The following C10orf90 variants were observed in gnomAD, a reference collection of about 807,000 sequenced individuals.
C10orf90 encodes the protein (E2-independent) E3 ubiquitin-conjugating enzyme FATS.
In C10orf90, 56 loss-of-function variants were observed where a neutral mutation model predicts 62.5. That is an observed-to-expected ratio of 0.90 (90% CI 0.72 to 1.12). The LOEUF is 1.12. Ranked by LOEUF, C10orf90 falls within the 50% of genes most tolerant of loss-of-function variation. The pLI, the probability that C10orf90 is intolerant of heterozygous loss-of-function variation, is 0.00. For synonymous variants in C10orf90, 386 were observed against 340.4 expected (o/e 1.13, Z -1.47); for missense variants, 970 against 880.4 (o/e 1.10, Z -1.29).
chr10:126,465,016 ATC>A (rs757896472), intron 4 of C10orf90, 30 bp from the exon 5 acceptor site: 24 of 1,586,006 alleles, frequency 1.5e-5, no homozygotes, highest in Non-Finnish European at 1.1e-5. Context: ...TGTGCTCAAA[ATC>A]TCTTATGAAT....
intron 7 of C10orf90, among the ~76,000 whole-genome samples, chr10:126,434,656 C>T (rs1193016305): frequency 2.0e-5 from 3 of 152,134 alleles, no homozygotes; most frequent in Non-Finnish European, 4.4e-5. Context: ...CCTGAATCTC[C>T]TACTAAAGAT....
intron 7 of C10orf90, among the ~76,000 whole-genome samples, chr10:126,443,762 C>T (rs990667476): frequency 1.3e-5 from 2 of 152,012 alleles, no homozygotes; most frequent in African/African-American, 2.4e-5. Flanking sequence ...AATACAGATG[C>T]TAAAATTATT....
intron 2 of C10orf90, among the ~76,000 whole-genome samples, chr10:126,550,382 C>G (rs138719764): frequency 6.6e-6 from 1 of 152,228 alleles, no homozygotes; most frequent in Non-Finnish European, 1.5e-5. Context: ...CAGGAGGGAA[C>G]CTTGTAATCA....
chr10:126,537,499 CG>C (rs1273969084), intron 2 of C10orf90, among the ~76,000 whole-genome samples: 7 of 152,138 alleles, frequency 4.6e-5, no homozygotes, highest in Non-Finnish European at 1.0e-4. Context: ...AAGAGCTGCC[CG>C]GGGAGTCCTC....
At chr10:126,644,234 G>A (rs986563365) in intron 2 of C10orf90, among the ~76,000 whole-genome samples, 8 of 152,152 alleles carry the variant, frequency 5.3e-5, no homozygotes, top group East Asian at 1.9e-4. Flanking sequence ...CCTTTCGGCC[G>A]TAAACCTCCA....
chr10:126,475,154 T>C (rs1860791628), intron 4 of C10orf90, among the ~76,000 whole-genome samples: 1 of 152,192 alleles, frequency 6.6e-6, no homozygotes, highest in African/African-American at 2.4e-5. Context: ...GGAGAGTCTT[T>C]GAGCTAATGA....
intron 2 of C10orf90, among the ~76,000 whole-genome samples, chr10:126,560,845 C>T (rs751479667): frequency 2.0e-5 from 3 of 152,136 alleles, no homozygotes; most frequent in Non-Finnish European, 4.4e-5. Flanking sequence ...GACATTGAAA[C>T]GTGGATTTTG....
At chr10:126,434,306 C>T (rs572359906) in intron 7 of C10orf90, among the ~76,000 whole-genome samples, 1 of 152,302 alleles carries the variant, frequency 6.6e-6, no homozygotes, top group African/African-American at 2.4e-5. Flanking sequence ...TTGACAGTGT[C>T]ACCAGAAGGC....
Position 126,425,877 on chromosome 10 carries a change from C to G in C10orf90, c.2378G>C (p.Arg793Thr). The G allele has an allele frequency of 6.2e-7, 1 of 1,614,042 alleles. No homozygotes were observed. Among genetic ancestry groups the G allele is most frequent in the South Asian group, 1.1e-5 (1 of 91,054 alleles). ...KKQLLDQLLQRNAV is the reference protein window; with the variant it reads ...KKQLLDQLLQTNAV ...GGCAGCCTGTGGTTAGACCGCATTC[C>G]TTTGAAGGAGCTGGTCCAGTAATTG... The change falls in exon 10 of 10, where the codon AGG (arginine) becomes ACG (threonine). Residue 793 changes from arginine to threonine, a missense_variant. Physicochemically the swap from Arg to Thr is moderately conservative, Grantham distance 71. Coordinates refer to ENST00000488181, the MANE Select transcript of C10orf90 (RefSeq NM_001350921.2).
At chr10:126,600,353 T>C (rs531791448) in intron 2 of C10orf90, among the ~76,000 whole-genome samples, 1 of 152,292 alleles carries the variant, frequency 6.6e-6, no homozygotes, top group Non-Finnish European at 1.5e-5. Flanking sequence ...ATTATTATCT[T>C]CTCTTGTGGC....
chr10:126,447,170 C>T (rs145847292), intron 7 of C10orf90, among the ~76,000 whole-genome samples: 63 of 151,742 alleles, frequency 4.2e-4, no homozygotes, highest in Middle Eastern at 3.4e-3. Flanking sequence ...AATATCTTAC[C>T]TATTAATAAT....
At chr10:126,583,334 T>C (rs1276766849) in intron 2 of C10orf90, among the ~76,000 whole-genome samples, 5 of 152,222 alleles carry the variant, frequency 3.3e-5, no homozygotes, top group Non-Finnish European at 5.9e-5. Flanking sequence ...AAAAAAATGG[T>C]TACAAATTCT....
chr10:126,516,261 G>A (rs1046869114), intron 2 of C10orf90, among the ~76,000 whole-genome samples: 1 of 152,214 alleles, frequency 6.6e-6, no homozygotes, highest in Admixed American at 6.5e-5. Flanking sequence ...CGTATGGAAA[G>A]CATTCGGGCA....
At chr10:126,429,054 T>C (rs1857421163) in intron 8 of C10orf90, among the ~76,000 whole-genome samples, 1 of 152,180 alleles carries the variant, frequency 6.6e-6, no homozygotes, top group African/African-American at 2.4e-5. Flanking sequence ...ATCAATTTGA[T>C]TTAATTATGA....
chr10:126,551,084 C>T (rs903906224), intron 2 of C10orf90, among the ~76,000 whole-genome samples: 1 of 152,194 alleles, frequency 6.6e-6, no homozygotes, highest in Non-Finnish European at 1.5e-5. Flanking sequence ...AAGGCAGAGC[C>T]AGCCTTAGAG....
intron 2 of C10orf90, among the ~76,000 whole-genome samples, chr10:126,626,994 T>A (rs1845757094): frequency 8.6e-6 from 1 of 116,628 alleles, no homozygotes; most frequent in Non-Finnish European, 1.8e-5. Flanking sequence ...TTTTTCTTTT[T>A]CTTTTCTTTT....
At chr10:126,640,612 G>T (rs1846040496) in intron 2 of C10orf90, among the ~76,000 whole-genome samples, 1 of 152,218 alleles carries the variant, frequency 6.6e-6, no homozygotes, top group African/African-American at 2.4e-5. Context: ...TCAACAAAAT[G>T]CCCTGGAGAG....
intron 2 of C10orf90, among the ~76,000 whole-genome samples, chr10:126,590,825 G>T (rs1222022605): frequency 6.6e-6 from 1 of 151,514 alleles, no homozygotes; most frequent in African/African-American, 2.4e-5. Flanking sequence ...AAAGAGAGAA[G>T]AATCAAATAG....
intron 2 of C10orf90, among the ~76,000 whole-genome samples, chr10:126,571,121 A>G (rs1377944154): frequency 1.3e-5 from 2 of 152,238 alleles, no homozygotes; most frequent in East Asian, 3.8e-4. Context: ...AGAAGCTGCA[A>G]TTGGAAACGT....
Sources: gnomAD v4.1 joint callset for allele counts (sites outside exome capture counted in the v4.1 genomes callset) on GRCh38, gnomAD v4.1.1 for gene constraint, MANE v1.5 for transcripts, NCBI Gene and HGNC (gene_info 2026-07-23, HGNC 2026-07-21) for gene names.